CSNK2A2: variants seen among roughly 807,000 people sequenced by gnomAD.
CSNK2A2 encodes the protein casein kinase 2 alpha 2, also known as casein kinase II subunit alpha'.
A neutral mutation model predicts 54.0 loss-of-function variants in CSNK2A2; 8 were observed. The ratio of observed to expected loss-of-function variants is 0.15; its 90% CI spans 0.09 to 0.27. The LOEUF is 0.27. CSNK2A2 is among the 10% of genes least tolerant of loss of function. The probability of loss-of-function intolerance (pLI) is 1.00; values close to 1 mark genes in which losing one functional copy is unlikely to be tolerated. For synonymous variants in CSNK2A2, 141 were observed against 153.9 expected (o/e 0.92, Z 0.62); for missense variants, 242 against 439.4 (o/e 0.55, Z 4.02).
chr16:58,190,041 C>A (rs1407132839), intron 2 of CSNK2A2, among the ~76,000 whole-genome samples: 1 of 152,148 alleles, frequency 6.6e-6, no homozygotes, highest in Non-Finnish European at 1.5e-5. Context: ...CTGTCCAGAG[C>A]CTGTAGCCAT....
At chr16:58,172,086 C>T (rs1175140651) in intron 5 of CSNK2A2, among the ~76,000 whole-genome samples, 1 of 148,218 alleles carries the variant, frequency 6.7e-6, no homozygotes, top group African/African-American at 2.5e-5. Flanking sequence ...CCTCCCGAAG[C>T]ATTGGGATTT....
intron 5 of CSNK2A2, among the ~76,000 whole-genome samples, chr16:58,169,834 CAGG>C (rs893946166): frequency 6.6e-6 from 1 of 152,018 alleles, no homozygotes; most frequent in African/African-American, 2.4e-5. Context: ...CACTTCAGGT[CAGG>C]AGTTCAAGAC....
chr16:58,181,739 G>T (rs189278589), intron 4 of CSNK2A2, among the ~76,000 whole-genome samples: 6 of 152,122 alleles, frequency 3.9e-5, no homozygotes, highest in African/African-American at 1.4e-4. Context: ...GAAGAAAGGG[G>T]AGAAAAATCA....
intron 4 of CSNK2A2, among the ~76,000 whole-genome samples, chr16:58,183,632 A>G (rs1272580413): frequency 5.9e-5 from 9 of 152,194 alleles, no homozygotes; most frequent in Non-Finnish European, 1.3e-4. Context: ...CACCATGTCT[A>G]GTATGCCTAA....
At chr16:58,167,487 T>G (rs1961601007) in intron 7 of CSNK2A2, among the ~76,000 whole-genome samples, 179 bp from the exon 8 acceptor site, 1 of 152,198 alleles carries the variant, frequency 6.6e-6, no homozygotes. Context: ...CTAGTCTTCA[T>G]TTAACCTTTG....
At chr16:58,161,693 G>A (rs989039971) in intron 11 of CSNK2A2, 11 of 152,310 alleles carry the variant, frequency 7.2e-5, no homozygotes, top group African/African-American at 2.4e-4. Context: ...CAGGAAAAGA[G>A]ATGGTCTGAA....
At chr16:58,181,019 T>A (rs1294957095) in intron 4 of CSNK2A2, among the ~76,000 whole-genome samples, 1 of 152,210 alleles carries the variant, frequency 6.6e-6, no homozygotes, top group African/African-American at 2.4e-5. Flanking sequence ...AAAATACACA[T>A]CTGCCATCTG....
intron 4 of CSNK2A2, among the ~76,000 whole-genome samples, chr16:58,181,956 T>C (rs971505530): frequency 3.3e-5 from 5 of 152,132 alleles, no homozygotes; most frequent in Non-Finnish European, 7.3e-5. Flanking sequence ...GTGGTAATAC[T>C]GGAACAATCT....
At chr16:58,178,283 CT>C (rs533745432) in intron 4 of CSNK2A2, among the ~76,000 whole-genome samples, 1 of 149,194 alleles carries the variant, frequency 6.7e-6, no homozygotes, top group Non-Finnish European at 1.5e-5. Context: ...TCTTGAGGCG[CT>C]TTTTTTTTCT....
chr16:58,165,420 T>C (rs1961536232), intron 10 of CSNK2A2, 140 bp downstream of exon 10: 2 of 811,134 alleles, frequency 2.5e-6, no homozygotes, highest in African/African-American at 1.7e-5. Context: ...GTCTCAATCA[T>C]CTACGATAAA....
At chr16:58,171,025 A>G (rs1961721867) in intron 5 of CSNK2A2, among the ~76,000 whole-genome samples, 1 of 152,042 alleles carries the variant, frequency 6.6e-6, no homozygotes, top group Non-Finnish European at 1.5e-5. Context: ...TTAACAACCA[A>G]AAATGGTTCC....
chr16:58,187,866 C>T (rs1962229805), intron 2 of CSNK2A2, among the ~76,000 whole-genome samples: 1 of 152,252 alleles, frequency 6.6e-6, no homozygotes, highest in African/African-American at 2.4e-5. Flanking sequence ...TGACTGCATG[C>T]TATACTCTTG....
rs1962491567 is a variant in CSNK2A2, at chr16:58,197,458, G to A, written c.104+175C>T. 6.6e-6 allele frequency among the ~76,000 whole-genome samples: 1 copy of A among 152,192 alleles called. No homozygotes were observed. The highest frequency in any genetic ancestry group is 1.9e-4 in the East Asian group (1 of 5,174). On this transcript the variant is annotated intron_variant, in intron 1 of 11. Coordinates refer to ENST00000262506, the MANE Select transcript of CSNK2A2 (RefSeq NM_001896.4). This position sits in a 1 kb window ranked among gnomAD's most constrained non-coding sequence, Gnocchi z 4.0. ...AGCGGGGAGAAAGGGACGAAACGGG[G>A]GTAAAGGGGAGGGAAGAGGAAGACG...
intron 3 of CSNK2A2, among the ~76,000 whole-genome samples, chr16:58,186,249 A>C (rs957671827): frequency 6.6e-6 from 1 of 152,250 alleles, no homozygotes; most frequent in Admixed American, 6.5e-5. Context: ...TACACATGTG[A>C]CATGAGCCCT....
chr16:58,183,099 C>T (rs1016010318), intron 4 of CSNK2A2, among the ~76,000 whole-genome samples: 3 of 152,068 alleles, frequency 2.0e-5, no homozygotes, highest in South Asian at 2.1e-4. Context: ...GTGGCTCACA[C>T]CTATAATCCC....
chr16:58,186,469 G>C (rs1045985436), intron 3 of CSNK2A2, among the ~76,000 whole-genome samples: 3 of 152,156 alleles, frequency 2.0e-5, no homozygotes, highest in African/African-American at 4.8e-5. Flanking sequence ...AAAGAGGCTG[G>C]GGCTTAAAGG....
chr16:58,194,520 T>C (rs1376468210), intron 2 of CSNK2A2, among the ~76,000 whole-genome samples: 3 of 152,224 alleles, frequency 2.0e-5, no homozygotes, highest in Non-Finnish European at 4.4e-5. Flanking sequence ...TAGGCTGCAC[T>C]GTGAAAACAA....
rs2142460604 is a variant in CSNK2A2 at position 58,197,196 on chromosome 16, A to G, written c.105-352T>C. On this transcript the variant is annotated intron_variant, in intron 1 of 11. Coordinates refer to ENST00000262506, the MANE Select transcript of CSNK2A2 (RefSeq NM_001896.4). This position sits in a 1 kb window ranked among gnomAD's most constrained non-coding sequence, Gnocchi z 4.0. ...TCGTTTCACATCTTCAAGGTAGACA[A>G]TGCCTGTTTTAAAAATCTGGACGTC... 3.4e-6 allele frequency: 1 copy of G among 294,366 alleles called. No individual in the cohort carries two copies. The highest frequency in any genetic ancestry group is 6.5e-6 in the Non-Finnish European group (1 of 154,252). 18.2% of individuals were successfully genotyped at this position (294,366 alleles called of 1,614,324 possible). A position where few individuals can be genotyped will look rare whatever the true frequency, so the allele number is the denominator to read the frequency against.
intron 4 of CSNK2A2, among the ~76,000 whole-genome samples, chr16:58,183,213 A>AT (rs1159084427): frequency 7.2e-6 from 1 of 138,302 alleles, no homozygotes; most frequent in African/African-American, 2.8e-5. Flanking sequence ...AAATTTAAAA[A>AT]TTAAAAAAAA....
Sources: allele counts gnomAD v4.1 joint callset (sites outside exome capture counted in the v4.1 genomes callset), GRCh38; gene constraint gnomAD v4.1.1; non-coding constraint Gnocchi (gnomAD v3.1); transcripts MANE v1.5; gene names NCBI Gene and HGNC (gene_info 2026-07-23, HGNC 2026-07-21).